The following SH3TC1 variants were observed in gnomAD, a reference collection of about 807,000 sequenced individuals.
SH3TC1 encodes SH3 domain and tetratricopeptide repeats 1.
A neutral mutation model predicts 117.3 loss-of-function variants in SH3TC1; 135 were observed. That is an observed-to-expected ratio of 1.15 (90% confidence interval 1.00 to 1.33). The LOEUF (loss-of-function observed/expected upper bound fraction) is 1.33. Among genes scored for constraint, SH3TC1 ranks in the 40% most tolerant of loss-of-function variants. The probability of loss-of-function intolerance (pLI) is 0.00; values close to 1 mark genes in which losing one functional copy is unlikely to be tolerated. For synonymous variants in SH3TC1, 898 were observed against 816.9 expected, an observed-to-expected ratio of 1.10 and a Z score of -1.69; for missense variants, 2,092 against 1,794.3, an observed-to-expected ratio of 1.17 and a Z score of -3.00.
intron 15 of SH3TC1, 63 bp downstream of exon 15, chr4:8,235,618 C>G (rs1444793085): frequency 6.7e-7 from 1 of 1,490,398 alleles, no homozygotes; most frequent in South Asian, 1.4e-5. Context: ...GGCTGAGGCA[C>G]AGGTGTGGCA....
At chr4:8,232,892 T>C in intron 13 of SH3TC1, 2 of 1,216,064 alleles carry the variant, frequency 1.6e-6, no homozygotes, top group South Asian at 2.9e-5. Context: ...GCAGCATCCA[T>C]GTCACCTAGG....
At position 8,203,617 on chromosome 4, in the gene SH3TC1, G is replaced by A. The variant is rs149473687; in HGVS notation, c.-28-1550G>A. On this transcript the variant is annotated intron_variant, in intron 1 of 17. Transcript: ENST00000245105. ...TTGCCCTGTTTGGTAAAAAACTGAG[G>A]TGGGGAAGAAATAAGCCCAGCATCT... Among the ~76,000 whole-genome samples the A allele has an allele frequency of 1.3e-4, 20 of 152,170 alleles. No individual in the cohort carries two copies. In the East Asian group the frequency reaches 3.7e-3, roughly 28 times the overall value.
chr4:8,216,326 C>T lies in SH3TC1; in HGVS notation c.628+69C>T, dbSNP rs1216690135. The T allele has an allele frequency of 1.1e-5, 17 of 1,558,894 alleles. No individual in the cohort carries two copies. In the East Asian group the frequency reaches 3.4e-4, roughly 31 times the overall value. On this transcript the variant is annotated intron_variant, in intron 6 of 17. Transcript: ENST00000245105. ...GCACTCCCGGGCCATGGGGTGACAG[C>T]CTGGATCCCGCTGTGCTGAGCATGT...
rs367921811 is a variant in SH3TC1 at position 8,216,297 on chromosome 4, C to T, written c.628+40C>T. ...GGGTGATGGCCGAGATCCAGCTGTG[C>T]GGGGCACTCCCGGGCCATGGGGTGA... On this transcript the variant is annotated intron_variant, in intron 6 of 17. Transcript: ENST00000245105. 165 of 1,596,974 alleles carry T rather than the reference C, an allele frequency of 1.0e-4. 1 individual carries two copies. The highest frequency in any genetic ancestry group is 5.5e-4 in the South Asian group (49 of 88,418).
Position 8,241,034 on chromosome 4 carries a change from T to G in SH3TC1, c.*79T>G, listed in dbSNP as rs1009736229. The G allele has an allele frequency of 1.3e-6, 2 of 1,560,234 alleles. No homozygotes were observed. The highest frequency in any genetic ancestry group is 1.7e-6 in the Non-Finnish European group (2 of 1,157,352). ...TCCTGGTGTCGCCGGTGGCTCATTT[T>G]CTGGCAAATGGAGGCACGAACGCAG... On this transcript the variant is annotated 3_prime_UTR_variant, in exon 18 of 18. Transcript: ENST00000245105.
In SH3TC1 at chr4:8,234,507, T is replaced by C. The variant is rs545005341; in HGVS notation, c.3283-926T>C. Among the ~76,000 whole-genome samples the C allele has an allele frequency of 3.9e-3, 565 of 145,354 alleles. 6 individuals carry two copies. Among genetic ancestry groups the C allele is most frequent in the African/African-American group, 0.014 (513 of 37,410 alleles). ...TCCATCCATCCACCCATCCATCCAT[T>C]CATCTGTCCATCCGTCCGTCCATCC... is the stretch of plus-strand genomic sequence containing the variant. On this transcript the variant is annotated intron_variant, in intron 14 of 17. Transcript: ENST00000245105.
At chr4:8,203,898 C>T (rs1212907897) in intron 1 of SH3TC1, among the ~76,000 whole-genome samples, 1 of 152,208 alleles carries the variant, frequency 6.6e-6, no homozygotes, top group Admixed American at 6.5e-5. Flanking sequence ...CCACGTTCCC[C>T]GCCCAGAGAG....
Position 8,205,416 on chromosome 4 carries a change from C to T in SH3TC1, c.172+50C>T, listed in dbSNP as rs1266634970. 5 of 1,509,306 alleles carry T rather than the reference C, an allele frequency of 3.3e-6. No homozygotes were observed. Among genetic ancestry groups the T allele is most frequent in the Non-Finnish European group, 2.7e-6 (3 of 1,124,370 alleles). The allele number at this position is 1,509,306 out of a possible 1,614,324, so 93.5% of individuals were successfully genotyped here. A position where few individuals can be genotyped will look rare whatever the true frequency, so the allele number is the denominator to read the frequency against. The stretch of plus-strand genomic sequence containing the variant: ...CCGCCCTCCATCCCACCCACTTCTC[C>T]ACCCCACCCGCCCCGTCCATCCATC... On this transcript the variant is annotated intron_variant, in intron 2 of 17. Transcript: ENST00000245105. This position sits in a 1 kb window ranked among gnomAD's most constrained non-coding sequence, Gnocchi z 5.4.
In SH3TC1 at chr4:8,210,894, G is replaced by A. The variant is rs1054324798; in HGVS notation, c.247+1072G>A. The stretch of plus-strand genomic sequence containing the variant: ...GGTTGGCCCTTCCCCCATAGGGGGT[G>A]AGGGTGTTTGCTCAAGGGTCCCCTA... On this transcript the variant is annotated intron_variant, in intron 3 of 17. Coordinates refer to ENST00000245105, the MANE Select transcript of SH3TC1 (RefSeq NM_018986.5). This position sits in a 1 kb window ranked among gnomAD's most constrained non-coding sequence, Gnocchi z 4.1. Among the ~76,000 whole-genome samples the A allele has an allele frequency of 6.6e-6, 1 of 151,872 alleles. No individual in the cohort carries two copies.
chr4:8,222,492 G>C (rs1434791791), intron 9 of SH3TC1, among the ~76,000 whole-genome samples: 2 of 144,832 alleles, frequency 1.4e-5, no homozygotes, highest in East Asian at 4.4e-4. Flanking sequence ...TCCTGCCTCA[G>C]CCTCCCGAAC....
chr4:8,201,159 G>A (rs1020272565), intron 1 of SH3TC1, among the ~76,000 whole-genome samples: 1 of 152,148 alleles, frequency 6.6e-6, no homozygotes, highest in South Asian at 2.1e-4. Flanking sequence ...CGAAAGCTTG[G>A]CCAAAGCTTC....
At chr4:8,212,003 C>A (rs572042206) in intron 3 of SH3TC1, among the ~76,000 whole-genome samples, 1 of 152,028 alleles carries the variant, frequency 6.6e-6, no homozygotes, top group Non-Finnish European at 1.5e-5. Context: ...CAGGTCAGAC[C>A]CGCCAAGGCT....
chr4:8,200,759 C>T (rs75331395), intron 1 of SH3TC1, among the ~76,000 whole-genome samples: 2,829 of 152,344 alleles, frequency 0.019, 50 homozygotes, highest in African/African-American at 0.052. Context: ...CAGAAGGCTA[C>T]TGGGCGGCTC....
At chr4:8,233,684 T>A (rs1463204361) in intron 14 of SH3TC1, among the ~76,000 whole-genome samples, 171 bp downstream of exon 14, 3 of 150,936 alleles carry the variant, frequency 2.0e-5, no homozygotes, top group Non-Finnish European at 4.4e-5. Context: ...TATGGGTCCT[T>A]CCATCCATCC....
At chr4:8,215,377 T>C in intron 5 of SH3TC1, 1 of 404,150 alleles carries the variant, frequency 2.5e-6, no homozygotes. Flanking sequence ...GTAGCCACAA[T>C]TCCCCAAGCA....
chr4:8,235,391 T>A, intron 14 of SH3TC1, 42 bp from the exon 15 acceptor site: 1 of 1,426,786 alleles, frequency 7.0e-7, no homozygotes, highest in Non-Finnish European at 9.3e-7. Context: ...CGTGGCCACC[T>A]CACCAGGTGT....
Position 8,227,513 on chromosome 4 carries a change from C to G in SH3TC1, c.1819C>G (p.Leu607Val). Residue 607 changes from leucine to valine, a missense_variant, in exon 12 of 18, where the codon CTG becomes GTG. Transcript: ENST00000245105. ...LFLVVAVYAN[L>V]ASIYRKQKNR... ...CCTAGTGGTGGCTGTGTACGCCAAC[C>G]TGGCCAGCATTTACCGGAAGCAGAA... The G allele has an allele frequency of 6.5e-7, 1 of 1,549,892 alleles. No individual in the cohort carries two copies. Among genetic ancestry groups the G allele is most frequent in the Non-Finnish European group, 8.7e-7 (1 of 1,153,660 alleles).
At position 8,209,416 on chromosome 4, in the gene SH3TC1, C is replaced by G. The variant is rs1423267720; in HGVS notation, c.173-332C>G. Among the ~76,000 whole-genome samples, 2 of 152,130 alleles carry G rather than the reference C, an allele frequency of 1.3e-5. No individual in the cohort carries two copies. The highest frequency in any genetic ancestry group is 2.9e-5 in the Non-Finnish European group (2 of 68,032). ...TCTTGAAGGCGAGGAGTGGATTCTC[C>G]CCAGAGCCCCTGGGAGGAACAGGGC... On this transcript the variant is annotated intron_variant, in intron 2 of 17. Transcript: ENST00000245105. The surrounding 1 kb of genome is among the most constrained non-coding windows in gnomAD (Gnocchi z 5.9).
chr4:8,235,571 G>A lies in SH3TC1; in HGVS notation c.3405+16G>A. On this transcript the variant is annotated intron_variant, in intron 15 of 17. Transcript: ENST00000245105. Reference sequence around the variant, plus strand: ...CTTCTACCGGGTGAGCTGGCCTGTGGGCTGATGTGGGTGGGCCCCAGGGGG... The same window carrying A: ...CTTCTACCGGGTGAGCTGGCCTGTGAGCTGATGTGGGTGGGCCCCAGGGGG... The A allele has an allele frequency of 1.3e-6, 2 of 1,579,318 alleles. No homozygotes were observed. Among genetic ancestry groups the A allele is most frequent in the South Asian group, 1.1e-5 (1 of 86,996 alleles).
Sources: allele counts gnomAD v4.1 joint callset (sites outside exome capture counted in the v4.1 genomes callset), GRCh38; gene constraint gnomAD v4.1.1; non-coding constraint Gnocchi (gnomAD v3.1); transcripts MANE v1.5; gene names NCBI Gene and HGNC (gene_info 2026-07-23, HGNC 2026-07-21).